Variants in NEXN observed in about 807,000 individuals in gnomAD.
NEXN encodes nexilin F-actin binding protein, also known as nexilin.
NEXN carries 65 observed loss-of-function variants against 92.6 expected under a neutral mutation model. The observed-to-expected ratio is 0.70, with a 90% confidence interval of 0.57 to 0.86. The LOEUF is 0.86. Among genes scored for constraint, NEXN ranks in the 40% least tolerant of loss-of-function variants. NEXN has a pLI of 0.00. For synonymous variants in NEXN, 254 were observed against 242.5 expected (o/e 1.05, Z -0.44); for missense variants, 778 against 771.1 (o/e 1.01, Z -0.11).
At chr1:77,894,674 G>A (rs1647183952) in intron 1 of NEXN, among the ~76,000 whole-genome samples, 1 of 151,584 alleles carries the variant, frequency 6.6e-6, no homozygotes, top group Non-Finnish European at 1.5e-5. Flanking sequence ...TAAAGTGCTG[G>A]GATTACAGGC....
rs752320160 is a variant in NEXN at position 77,926,441 on chromosome 1, G to A, written c.517G>A (p.Val173Met). Residue 173 changes from valine (V) to methionine (M), a missense_variant, in exon 7 of 13, where the codon GTG (valine) becomes ATG (methionine). Val to Met is a conservative substitution (Grantham distance 21). Coordinates refer to ENST00000334785, the MANE Select transcript of NEXN (RefSeq NM_144573.4). ...EEGDDSLLIT[V>M]VPVKSYKTSG... ...AGGAGATGATTCACTACTTATAACT[G>A]TGGTACCTGTCAAATCATATAAAAC... The A allele has an allele frequency of 6.2e-7, 1 of 1,605,012 alleles. No homozygotes were observed. The highest frequency in any genetic ancestry group is 8.5e-7 in the Non-Finnish European group (1 of 1,174,180).
At chr1:77,900,732 T>C in intron 1 of NEXN, among the ~76,000 whole-genome samples, 1 of 152,220 alleles carries the variant, frequency 6.6e-6, no homozygotes, top group East Asian at 1.9e-4. Flanking sequence ...CCTTCTCTAT[T>C]ATGACCAAAC....
chr1:77,925,567 T>G (rs1377740455), intron 6 of NEXN, among the ~76,000 whole-genome samples: 2 of 152,214 alleles, frequency 1.3e-5, no homozygotes, highest in African/African-American at 2.4e-5. Flanking sequence ...AAGGCAATTT[T>G]ATTTTCATCA....
At chr1:77,910,199 G>C (rs780399469) in intron 1 of NEXN, among the ~76,000 whole-genome samples, 1 of 152,172 alleles carries the variant, frequency 6.6e-6, no homozygotes, top group Non-Finnish European at 1.5e-5. Flanking sequence ...CGGCATCTAA[G>C]AAAAGCCTAC....
chr1:77,906,048 G>A (rs74092330), intron 1 of NEXN, among the ~76,000 whole-genome samples: 1,927 of 152,006 alleles, frequency 0.013, 40 homozygotes, highest in African/African-American at 0.045. Context: ...TTGAAAGCTG[G>A]GGGCAAACAA....
intron 1 of NEXN, among the ~76,000 whole-genome samples, chr1:77,899,205 AC>A (rs1414720242): frequency 6.6e-6 from 1 of 152,166 alleles, no homozygotes. Context: ...AGACACATGC[AC>A]ACGTATGTTT....
chr1:77,907,479 T>C (rs1194387191), intron 1 of NEXN, among the ~76,000 whole-genome samples: 1 of 152,244 alleles, frequency 6.6e-6, no homozygotes, highest in African/African-American at 2.4e-5. Context: ...CTTATTTTGC[T>C]ACAACTTTTT....
rs77342708 is a variant in NEXN at position 77,926,935 on chromosome 1, T to C, written c.864+43T>C. ...AACCTTACAATTAATATTAATGAAG[T>C]TAGCCGACTTAAGATAAGGTTTACT... On this transcript the variant is annotated intron_variant, in intron 8 of 12. Transcript: ENST00000334785. 3.1e-6 allele frequency: 5 copies of C among 1,611,212 alleles called. No homozygotes were observed. The East Asian group carries it at 8.9e-5, about 29-fold the overall frequency.
intron 8 of NEXN, among the ~76,000 whole-genome samples, chr1:77,928,137 T>C (rs76813288): frequency 0.012 from 1,783 of 151,966 alleles, 33 homozygotes; most frequent in African/African-American, 0.042. Context: ...GTGGAAACCA[T>C]GTCTCTACAA....
Position 77,918,182 on chromosome 1 carries a change from A to G in NEXN, c.356A>G (p.Lys119Arg). The G allele has an allele frequency of 1.9e-6, 3 of 1,614,102 alleles. No individual in the cohort carries two copies. The South Asian group carries it at 3.3e-5, about 18-fold the overall frequency. ...AAACAAAGACAAGAGGAACAAAGGA[A>G]GAGAACGGAGGAGGAACGAAAACGC... ...MEKQRQEEQR[K>R]RTEEERKRRI... is the part of the protein sequence containing the mutation. Residue 119 changes from lysine (K) to arginine (R), a missense_variant, in exon 5 of 13, where the codon AAG becomes AGG. Coordinates refer to ENST00000334785, the MANE Select transcript of NEXN (RefSeq NM_144573.4).
chr1:77,899,457 A>T (rs922057689), intron 1 of NEXN, among the ~76,000 whole-genome samples: 4 of 152,102 alleles, frequency 2.6e-5, no homozygotes, highest in African/African-American at 9.7e-5. Flanking sequence ...GAATTGAACA[A>T]TGAGAACACA....
chr1:77,922,121 T>G (rs964207880), intron 5 of NEXN, among the ~76,000 whole-genome samples: 1 of 146,752 alleles, frequency 6.8e-6, no homozygotes, highest in African/African-American at 2.5e-5. Flanking sequence ...GTTGTGAGTA[T>G]TCTTTTAAAA....
At chr1:77,891,039 C>T (rs2102020568) in intron 1 of NEXN, among the ~76,000 whole-genome samples, 1 of 152,214 alleles carries the variant, frequency 6.6e-6, no homozygotes, top group African/African-American at 2.4e-5. Context: ...TGTTCTCTTT[C>T]TGGGTTTATA....
intron 8 of NEXN, among the ~76,000 whole-genome samples, chr1:77,927,337 AT>A (rs1290576019): frequency 2.0e-5 from 3 of 152,166 alleles, no homozygotes; most frequent in African/African-American, 7.2e-5. Flanking sequence ...TATGCTTTAA[AT>A]TTTTATTTTT....
intron 11 of NEXN, among the ~76,000 whole-genome samples, chr1:77,937,851 T>C (rs1650903236): frequency 6.6e-6 from 1 of 152,086 alleles, no homozygotes; most frequent in Non-Finnish European, 1.5e-5. Flanking sequence ...AGAAAACAAT[T>C]ATCAGGTGGT....
intron 1 of NEXN, among the ~76,000 whole-genome samples, chr1:77,915,577 G>A (rs542732737): frequency 5.3e-4 from 81 of 152,262 alleles, no homozygotes; most frequent in African/African-American, 1.8e-3. Context: ...TGCAGTGAGC[G>A]AGATGGCGCC....
intron 9 of NEXN, among the ~76,000 whole-genome samples, chr1:77,930,635 C>T (rs1013325250): frequency 1.3e-5 from 2 of 152,134 alleles, no homozygotes; most frequent in African/African-American, 2.4e-5. Context: ...CGTTTCATTT[C>T]TTGATTCTTC....
At chr1:77,894,415 G>C (rs1028046818) in intron 1 of NEXN, among the ~76,000 whole-genome samples, 2 of 151,908 alleles carry the variant, frequency 1.3e-5, no homozygotes, top group Non-Finnish European at 2.9e-5. Context: ...TTATTTTTTG[G>C]ACATTTTATA....
intron 1 of NEXN, among the ~76,000 whole-genome samples, chr1:77,897,834 G>A (rs367622970): frequency 6.6e-6 from 1 of 151,742 alleles, no homozygotes; most frequent in African/African-American, 2.4e-5. Context: ...AAATCAATGT[G>A]CAAAAATCAC....
Sources: gnomAD v4.1 joint callset for allele counts (sites outside exome capture counted in the v4.1 genomes callset) on GRCh38, gnomAD v4.1.1 for gene constraint, MANE v1.5 for transcripts, NCBI Gene and HGNC (gene_info 2026-07-23, HGNC 2026-07-21) for gene names.